The following IL1RAPL1 variants were observed in gnomAD, a reference collection of about 807,000 sequenced individuals.
IL1RAPL1 encodes interleukin 1 receptor accessory protein like 1.
Under a neutral mutation model 48.4 loss-of-function variants are expected in IL1RAPL1, and 3 were observed. The ratio of observed to expected loss-of-function variants is 0.06; its 90% CI spans 0.03 to 0.16. The LOEUF (loss-of-function observed/expected upper bound fraction) is 0.16. IL1RAPL1 is among the 10% of genes least tolerant of loss of function. The probability of loss-of-function intolerance (pLI) is 1.00; values close to 1 mark genes in which losing one functional copy is unlikely to be tolerated. For synonymous variants in IL1RAPL1, 185 were observed against 187.7 expected (o/e 0.99, Z 0.12); for missense variants, 349 against 530.6 (o/e 0.66, Z 3.36).
chrX:29,171,195 C>T (rs1304361634), intron 2 of IL1RAPL1, among the ~76,000 whole-genome samples: 1 of 111,467 alleles, frequency 9.0e-6, no homozygotes, highest in Non-Finnish European at 1.9e-5. Context: ...CAGGGTTTCA[C>T]CATATTGGTC....
At chrX:29,268,624 T>A (rs964347714) in intron 2 of IL1RAPL1, among the ~76,000 whole-genome samples, 1 of 112,033 alleles carries the variant, frequency 8.9e-6, no homozygotes, top group South Asian at 3.7e-4. Flanking sequence ...GAATACTACA[T>A]TGAAAAAATA....
chrX:28,962,793 T>C lies in IL1RAPL1; in HGVS notation c.82+173368T>C, dbSNP rs761890051. Among the ~76,000 whole-genome samples, 34 of 110,176 alleles carry C rather than the reference T, an allele frequency of 3.1e-4. No homozygotes were observed. In the South Asian group the frequency reaches 0.012, roughly 40 times the overall value. The stretch of plus-strand genomic sequence containing the variant: ...ATACTACAACATTTTATTTAAGAAA[T>C]TTGAGAATCCTCAGAATTTGGTATC... On this transcript the variant is annotated intron_variant, in intron 2 of 10. Coordinates refer to ENST00000378993, the MANE Select transcript of IL1RAPL1 (RefSeq NM_014271.4).
At chrX:29,088,535 G>T (rs1928005459) in intron 2 of IL1RAPL1, among the ~76,000 whole-genome samples, 1 of 108,897 alleles carries the variant, frequency 9.2e-6, no homozygotes, top group South Asian at 4.0e-4. Flanking sequence ...AATTAGCCGG[G>T]CATGGTGGTA....
intron 2 of IL1RAPL1, among the ~76,000 whole-genome samples, chrX:28,944,637 C>T (rs143048219): frequency 0.016 from 1,790 of 109,413 alleles, 16 homozygotes; most frequent in South Asian, 0.034. Flanking sequence ...TAAAAATATC[C>T]GACATGAAAA....
At chrX:29,109,040 T>C (rs139792906) in intron 2 of IL1RAPL1, among the ~76,000 whole-genome samples, 82 of 111,244 alleles carry the variant, frequency 7.4e-4, no homozygotes, top group African/African-American at 2.6e-3. Flanking sequence ...ATATGCAAAC[T>C]AAAGCATGTA....
At chrX:29,861,641 G>A (rs766070262) in intron 6 of IL1RAPL1, among the ~76,000 whole-genome samples, 6 of 110,356 alleles carry the variant, frequency 5.4e-5, no homozygotes, top group East Asian at 2.8e-4. Flanking sequence ...ACAACTCACC[G>A]CTAAAGAACT....
At chrX:28,712,537 A>G (rs751389559) in intron 1 of IL1RAPL1, among the ~76,000 whole-genome samples, 1 of 111,792 alleles carries the variant, frequency 8.9e-6, no homozygotes, top group East Asian at 2.8e-4. Flanking sequence ...AAGCAAGCAT[A>G]AGGAAATTTT....
chrX:28,758,425 GA>G (rs2147249567), intron 1 of IL1RAPL1, among the ~76,000 whole-genome samples: 1 of 111,931 alleles, frequency 8.9e-6, no homozygotes, highest in East Asian at 2.8e-4. Flanking sequence ...CTAGGTGATA[GA>G]AAAATGTGAC....
chrX:28,988,850 A>G (rs199867722), intron 2 of IL1RAPL1, among the ~76,000 whole-genome samples: 1 of 111,715 alleles, frequency 9.0e-6, no homozygotes, highest in Admixed American at 9.5e-5. Context: ...AAAGTTTTCA[A>G]TGAATGCTTT....
chrX:29,239,239 G>A (rs1452596868), intron 2 of IL1RAPL1, among the ~76,000 whole-genome samples: 1 of 111,958 alleles, frequency 8.9e-6, no homozygotes, highest in East Asian at 2.8e-4. Context: ...TTTATCTTGG[G>A]TAGTCTAATC....
chrX:29,226,451 T>C (rs1181197154), intron 2 of IL1RAPL1, among the ~76,000 whole-genome samples: 2 of 106,075 alleles, frequency 1.9e-5, no homozygotes, highest in Non-Finnish European at 3.9e-5. Flanking sequence ...TTTCTTTTTT[T>C]TTTTTTTTTT....
intron 6 of IL1RAPL1, among the ~76,000 whole-genome samples, chrX:29,884,555 C>A (rs1036061640): frequency 1.8e-5 from 2 of 111,326 alleles, no homozygotes; most frequent in Non-Finnish European, 3.8e-5. Flanking sequence ...CTTCTCTACT[C>A]TCCCTACTCT....
intron 2 of IL1RAPL1, among the ~76,000 whole-genome samples, chrX:29,143,911 C>T (rs765242452): frequency 9.9e-5 from 11 of 111,494 alleles, no homozygotes; most frequent in African/African-American, 3.3e-4. Context: ...TACGATATGT[C>T]GATACAACAG....
intron 5 of IL1RAPL1, among the ~76,000 whole-genome samples, chrX:29,600,260 C>T (rs181315231): frequency 2.3e-4 from 26 of 111,955 alleles, no homozygotes; most frequent in African/African-American, 7.8e-4. Flanking sequence ...ATAAAGCTTC[C>T]TGAGAGCCAA....
At chrX:28,880,225 T>G (rs1201431667) in intron 2 of IL1RAPL1, among the ~76,000 whole-genome samples, 1 of 112,591 alleles carries the variant, frequency 8.9e-6, no homozygotes, top group African/African-American at 3.2e-5. Context: ...CTAAATTGTT[T>G]TAAAGGAGAG....
chrX:29,915,457 C>T (rs924519986), intron 6 of IL1RAPL1, among the ~76,000 whole-genome samples: 1 of 111,795 alleles, frequency 8.9e-6, no homozygotes, highest in Admixed American at 9.4e-5. Flanking sequence ...TAAGAGAATA[C>T]GATTTTATCC....
At chrX:28,888,062 A>G (rs1185596045) in intron 2 of IL1RAPL1, among the ~76,000 whole-genome samples, 2 of 110,722 alleles carry the variant, frequency 1.8e-5, no homozygotes, top group African/African-American at 6.6e-5. Flanking sequence ...TCCCAATTCT[A>G]CCTAATTTAG....
At chrX:29,625,290 T>C (rs1924584554) in intron 5 of IL1RAPL1, among the ~76,000 whole-genome samples, 1 of 112,069 alleles carries the variant, frequency 8.9e-6, no homozygotes, top group South Asian at 3.7e-4. Flanking sequence ...TCTGAAAGTA[T>C]AACCTAAGTA....
intron 2 of IL1RAPL1, among the ~76,000 whole-genome samples, chrX:29,158,734 A>T (rs1929615453): frequency 4.5e-5 from 5 of 110,836 alleles, no homozygotes; most frequent in Admixed American, 3.9e-4. Flanking sequence ...AACAAAAAAA[A>T]TCCTCCAAAT....
Sources: allele counts gnomAD v4.1 joint callset (sites outside exome capture counted in the v4.1 genomes callset), GRCh38; gene constraint gnomAD v4.1.1; transcripts MANE v1.5; gene names NCBI Gene and HGNC (gene_info 2026-07-23, HGNC 2026-07-21).